ARSF: variants seen among roughly 807,000 people sequenced by gnomAD.
ARSF encodes arylsulfatase F.
In ARSF, 33 loss-of-function variants were observed where a neutral mutation model predicts 35.4. That is an observed-to-expected ratio of 0.93 (90% confidence interval 0.71 to 1.25). ARSF has a LOEUF of 1.25. Among genes scored for constraint, ARSF ranks in the 50% most tolerant of loss-of-function variants. ARSF has a pLI of 0.00. For missense variants in ARSF, 501 were observed against 480.2 expected, an observed-to-expected ratio of 1.04 and a Z score of -0.40; for synonymous variants, 222 against 193.1, an observed-to-expected ratio of 1.15 and a Z score of -1.24.
intron 2 of ARSF, among the ~76,000 whole-genome samples, chrX:3,071,662 A>G (rs1330776604): frequency 1.8e-5 from 2 of 110,625 alleles, no homozygotes; most frequent in Admixed American, 1.9e-4. Flanking sequence ...CAGGAGTGGG[A>G]TTGCTGGATC....
At chrX:3,080,398 T>G (rs2090191202) in intron 4 of ARSF, among the ~76,000 whole-genome samples, 1 of 107,445 alleles carries the variant, frequency 9.3e-6, no homozygotes, top group Non-Finnish European at 1.9e-5. Context: ...CACTTGAACC[T>G]GGGAGGTGGA....
chrX:3,060,549 G>T, intron 1 of ARSF, among the ~76,000 whole-genome samples: 1 of 111,440 alleles, frequency 9.0e-6, no homozygotes. Context: ...CCATCGCAAG[G>T]ACGCTAAAAA....
intron 2 of ARSF, among the ~76,000 whole-genome samples, chrX:3,069,525 A>G (rs1006459829): frequency 1.8e-5 from 2 of 110,038 alleles, no homozygotes; most frequent in East Asian, 2.9e-4. Flanking sequence ...GGGTCTCACT[A>G]TGTTACCCAG....
intron 8 of ARSF, among the ~76,000 whole-genome samples, chrX:3,101,877 G>A (rs1248123370): frequency 3.6e-5 from 4 of 111,846 alleles, no homozygotes; most frequent in Non-Finnish European, 7.5e-5. Flanking sequence ...GGAAAATGTC[G>A]AGTATATTTT....
chrX:3,088,384 C>T (rs967283568), intron 6 of ARSF, among the ~76,000 whole-genome samples: 1 of 111,438 alleles, frequency 9.0e-6, no homozygotes, highest in Non-Finnish European at 1.9e-5. Flanking sequence ...GCAGTATATT[C>T]TACAGCTGTC....
chrX:3,071,498 T>G (rs1487466665), intron 2 of ARSF, among the ~76,000 whole-genome samples: 3 of 110,291 alleles, frequency 2.7e-5, no homozygotes, highest in Non-Finnish European at 5.7e-5. Context: ...GACACAGAGT[T>G]TCACCATGTT....
At chrX:3,068,571 C>T (rs192256354) in intron 2 of ARSF, among the ~76,000 whole-genome samples, 27 of 110,807 alleles carry the variant, frequency 2.4e-4, no homozygotes, top group African/African-American at 6.9e-4. Context: ...AGGTGCTTAT[C>T]GCCACGCCCA....
intron 4 of ARSF, among the ~76,000 whole-genome samples, 189 bp downstream of exon 4, chrX:3,076,858 A>C (rs1299596141): frequency 8.9e-6 from 1 of 111,899 alleles, no homozygotes; most frequent in Non-Finnish European, 1.9e-5. Flanking sequence ...CAGCCTGGGC[A>C]ACAGAGCAAG....
chrX:3,062,667 T>A (rs2090046931), intron 1 of ARSF, among the ~76,000 whole-genome samples: 1 of 111,660 alleles, frequency 9.0e-6, no homozygotes, highest in African/African-American at 3.3e-5. Context: ...GAGAGAATAC[T>A]ATAAACACCT....
At position 3,084,552 on chromosome X, in the gene ARSF, C is replaced by A. The variant is rs144309335; in HGVS notation, c.716C>A (p.Ser239Tyr). Reference protein sequence around the residue: ...LGYAWFSSHTSPLYWDCLLMR... With the variant: ...LGYAWFSSHTYPLYWDCLLMR... ...TATGCTTGGTTCTCCAGCCACACGT[C>A]CCCTTTATACTGGGACTGCCTCCTC... The change falls in exon 6 of 11, where the codon TCC becomes TAC. Residue 239 changes from serine to tyrosine, a missense_variant. By Grantham distance (144) the Ser-to-Tyr change is moderately radical. Coordinates refer to ENST00000381127, the MANE Select transcript of ARSF (RefSeq NM_001201539.2). The A allele has an allele frequency of 1.9e-4, 231 of 1,209,625 alleles. No homozygotes were observed. The African/African-American group carries it at 3.6e-3, about 19-fold the overall frequency.
chrX:3,091,837 T>C (rs2090292985), intron 7 of ARSF, among the ~76,000 whole-genome samples: 1 of 109,947 alleles, frequency 9.1e-6, no homozygotes, highest in Non-Finnish European at 1.9e-5. Flanking sequence ...AGTTGATAGA[T>C]GATAGGTAGA....
chrX:3,096,643 A>T (rs1298391859), intron 7 of ARSF, among the ~76,000 whole-genome samples: 2 of 112,264 alleles, frequency 1.8e-5, no homozygotes, highest in African/African-American at 6.5e-5. Context: ...AACTACAAAA[A>T]TTAAAACGCA....
In ARSF at chrX:3,076,310, C is replaced by A. The variant is rs764808589; in HGVS notation, c.162-238C>A. On this transcript the variant is annotated intron_variant, in intron 3 of 10. Coordinates refer to ENST00000381127, the MANE Select transcript of ARSF (RefSeq NM_001201539.2). ...CTCTTTCTGTTTTTCTCTTTCTATC[C>A]TTTTCTGTTGCTCTCTTTCTCGTTT... Among the ~76,000 whole-genome samples, 7 of 93,016 alleles carry A rather than the reference C, an allele frequency of 7.5e-5. 1 individual carries two copies. In the East Asian group the frequency reaches 2.7e-3, roughly 36 times the overall value. The allele number at this position is 93,016 out of a possible 115,157, so 80.8% of individuals were successfully genotyped here.
chrX:3,107,047 A>G (rs765162648), intron 9 of ARSF, among the ~76,000 whole-genome samples: 1 of 112,116 alleles, frequency 8.9e-6, no homozygotes, highest in Non-Finnish European at 1.9e-5. Flanking sequence ...ACCTAATACA[A>G]TGTATGTAAA....
At chrX:3,089,867 C>A (rs1046994597) in intron 7 of ARSF, among the ~76,000 whole-genome samples, 3 of 112,426 alleles carry the variant, frequency 2.7e-5, no homozygotes, top group Non-Finnish European at 5.6e-5. Context: ...TCTTTGTCTA[C>A]TTGACTGCGT....
At chrX:3,089,031 C>T (rs2090269069) in intron 6 of ARSF, among the ~76,000 whole-genome samples, 1 of 111,588 alleles carries the variant, frequency 9.0e-6, no homozygotes, top group Admixed American at 9.6e-5. Flanking sequence ...CAGACATCAG[C>T]AGTTTCCCTG....
At chrX:3,078,741 C>T (rs1470296038) in intron 4 of ARSF, among the ~76,000 whole-genome samples, 3 of 111,466 alleles carry the variant, frequency 2.7e-5, no homozygotes, top group East Asian at 2.8e-4. Context: ...CTCAAGTGAT[C>T]GGCCCACCTC....
intron 6 of ARSF, among the ~76,000 whole-genome samples, chrX:3,088,142 T>C (rs2090261905): frequency 8.9e-6 from 1 of 111,944 alleles, no homozygotes; most frequent in African/African-American, 3.2e-5. Context: ...CCCTGTATCC[T>C]CATGTGAGAA....
Position 3,076,754 on chromosome X carries a change from G to A in ARSF, c.283+85G>A, listed in dbSNP as rs1457880912. 6 of 1,124,089 alleles carry A rather than the reference G, an allele frequency of 5.3e-6. No homozygotes were observed. The East Asian group carries it at 1.5e-4, about 29-fold the overall frequency. 92.6% of individuals were successfully genotyped at this position (1,124,089 alleles called of 1,213,427 possible). A position where few individuals can be genotyped will look rare whatever the true frequency, so the allele number is the denominator to read the frequency against. On this transcript the variant is annotated intron_variant, in intron 4 of 10. Transcript: ENST00000381127. ...AAATGTGGCTTGACCACGTTAACAA[G>A]TAAAAAAGGGCTGGGCACGATGGCT... is the stretch of plus-strand genomic sequence containing the variant.
Sources: allele counts gnomAD v4.1 joint callset (sites outside exome capture counted in the v4.1 genomes callset), GRCh38; gene constraint gnomAD v4.1.1; transcripts MANE v1.5; gene names NCBI Gene and HGNC (gene_info 2026-07-23, HGNC 2026-07-21).